GRAMD1B: variants seen among roughly 807,000 people sequenced by gnomAD.
GRAMD1B encodes GRAM domain containing 1B, also known as protein Aster-B.
In GRAMD1B, 37 loss-of-function variants were observed where a neutral mutation model predicts 99.7. The ratio of observed to expected loss-of-function variants is 0.37; its 90% CI spans 0.29 to 0.49. The LOEUF (loss-of-function observed/expected upper bound fraction) is 0.49, where lower values mean the gene tolerates loss of function less well. GRAMD1B is among the 20% of genes least tolerant of loss of function. The pLI, the probability that GRAMD1B is intolerant of heterozygous loss-of-function variation, is 0.98. For synonymous variants in GRAMD1B, 427 were observed against 387.6 expected, an observed-to-expected ratio of 1.10 and a Z score of -1.19; for missense variants, 888 against 1,009.2, an observed-to-expected ratio of 0.88 and a Z score of 1.63.
intron 2 of GRAMD1B, among the ~76,000 whole-genome samples, chr11:123,488,001 A>G (rs1330165543): frequency 1.3e-5 from 2 of 152,196 alleles, no homozygotes; most frequent in African/African-American, 4.8e-5. Context: ...TACATCACAG[A>G]AAATTATTTC....
At chr11:123,364,501 G>T (rs1406037112) in intron 1 of GRAMD1B, among the ~76,000 whole-genome samples, 2 of 152,184 alleles carry the variant, frequency 1.3e-5, no homozygotes, top group Admixed American at 1.3e-4. Context: ...TTAGGCATCC[G>T]TGTGCATTTT....
At chr11:123,452,614 C>A (rs1306813687) in intron 1 of GRAMD1B, among the ~76,000 whole-genome samples, 6 of 152,014 alleles carry the variant, frequency 3.9e-5, no homozygotes, top group African/African-American at 1.4e-4. Flanking sequence ...CCACTGCACT[C>A]CAGCCTGGGT....
intron 2 of GRAMD1B, among the ~76,000 whole-genome samples, chr11:123,526,979 T>A (rs1177384217): frequency 6.6e-6 from 1 of 152,196 alleles, no homozygotes; most frequent in African/African-American, 2.4e-5. Flanking sequence ...CTTGGAAAAC[T>A]TTGCCATACC....
At chr11:123,505,516 A>T (rs1940333981) in intron 2 of GRAMD1B, among the ~76,000 whole-genome samples, 1 of 152,196 alleles carries the variant, frequency 6.6e-6, no homozygotes, top group Admixed American at 6.5e-5. Context: ...CTTAGGTAAT[A>T]TTTATTATGT....
At position 123,493,144 on chromosome 11, in the gene GRAMD1B, G is replaced by C. The variant is rs1938792376; in HGVS notation, c.452+12251G>C. On this transcript the variant is annotated intron_variant, in intron 2 of 19. Coordinates refer to ENST00000635736, the MANE Select transcript of GRAMD1B (RefSeq NM_001387025.1). ...AATGGCTGCGGGGAACTCAGGTTTTGGAGACCAAAATACCTTAGTTTAAAT... is the reference window on the plus strand; with the variant it reads ...AATGGCTGCGGGGAACTCAGGTTTTCGAGACCAAAATACCTTAGTTTAAAT... Among the ~76,000 whole-genome samples the C allele has an allele frequency of 2.0e-5, 3 of 152,210 alleles. 1 individual carries two copies. The highest frequency in any genetic ancestry group is 1.3e-4 in the Admixed American group (2 of 15,282).
intron 7 of GRAMD1B, chr11:123,599,126 T>G: frequency 1.2e-6 from 1 of 827,048 alleles, no homozygotes; most frequent in Non-Finnish European, 2.2e-6. Flanking sequence ...GCTCCTCAAA[T>G]TCCACTGACA....
At chr11:123,394,799 G>C (rs1381235803) in intron 1 of GRAMD1B, among the ~76,000 whole-genome samples, 2 of 152,204 alleles carry the variant, frequency 1.3e-5, no homozygotes, top group Admixed American at 1.3e-4. Context: ...CAAGGTGCCA[G>C]CAGGTTTAGT....
At chr11:123,548,325 T>TATATATATATATATATATATAC (rs1555067740) in intron 2 of GRAMD1B, among the ~76,000 whole-genome samples, 11 of 86,898 alleles carry the variant, frequency 1.3e-4, no homozygotes, top group East Asian at 4.1e-4. Flanking sequence ...TATATATATA[T>TATATATATATATATATATATAC]ACACACACAC....
intron 1 of GRAMD1B, among the ~76,000 whole-genome samples, chr11:123,394,136 A>G (rs1344429521): frequency 6.6e-6 from 1 of 152,226 alleles, no homozygotes; most frequent in African/African-American, 2.4e-5. Context: ...ATGAGATGCT[A>G]TTAGCAATTA....
intron 1 of GRAMD1B, among the ~76,000 whole-genome samples, chr11:123,390,809 C>CT (rs1947251374): frequency 6.6e-6 from 1 of 152,218 alleles, no homozygotes; most frequent in South Asian, 2.1e-4. Context: ...CTCATGTTTG[C>CT]TTTCCATGAC....
chr11:123,400,613 G>A (rs954920927), intron 1 of GRAMD1B, among the ~76,000 whole-genome samples: 1 of 152,156 alleles, frequency 6.6e-6, no homozygotes. Context: ...GTGTCCTCAT[G>A]TGCAGAAGTG....
intron 1 of GRAMD1B, among the ~76,000 whole-genome samples, chr11:123,364,216 G>A (rs1306071434): frequency 6.6e-6 from 1 of 152,200 alleles, no homozygotes; most frequent in Admixed American, 6.5e-5. Context: ...GACTTCAAAG[G>A]GAGCGATGGG....
intron 3 of GRAMD1B, among the ~76,000 whole-genome samples, chr11:123,578,669 A>G (rs964205131): frequency 6.6e-6 from 1 of 152,034 alleles, no homozygotes; most frequent in Admixed American, 6.5e-5. Flanking sequence ...CCCTGCACCC[A>G]TGTCTGCCTG....
intron 1 of GRAMD1B, among the ~76,000 whole-genome samples, chr11:123,444,996 G>A (rs916137301): frequency 3.3e-5 from 5 of 152,086 alleles, no homozygotes; most frequent in Admixed American, 6.6e-5. Context: ...TTATCTATGG[G>A]GCTCATTACA....
At chr11:123,595,895 A>G in intron 6 of GRAMD1B, 47 bp from the exon 7 acceptor site, 1 of 1,056,552 alleles carries the variant, frequency 9.5e-7, no homozygotes, top group East Asian at 2.5e-5. Flanking sequence ...TGACTTACTA[A>G]TGCCCCACTT....
chr11:123,525,182 G>A (rs1942582008), intron 2 of GRAMD1B, among the ~76,000 whole-genome samples: 1 of 152,214 alleles, frequency 6.6e-6, no homozygotes, highest in African/African-American at 2.4e-5. Context: ...ACCAGAAGTT[G>A]CTGCCTCACC....
At chr11:123,586,649 G>A (rs895820460) in intron 4 of GRAMD1B, among the ~76,000 whole-genome samples, 3 of 152,162 alleles carry the variant, frequency 2.0e-5, no homozygotes, top group African/African-American at 7.2e-5. Context: ...GCTCCTCTCC[G>A]CAGCACCCCT....
intron 2 of GRAMD1B, among the ~76,000 whole-genome samples, chr11:123,556,037 A>T (rs1367420038): frequency 6.6e-6 from 1 of 152,186 alleles, no homozygotes; most frequent in Non-Finnish European, 1.5e-5. Flanking sequence ...CCTGGCCTTA[A>T]ATAAATTTTA....
intron 1 of GRAMD1B, among the ~76,000 whole-genome samples, chr11:123,359,990 G>T (rs1488501728): frequency 6.6e-6 from 1 of 152,070 alleles, no homozygotes; most frequent in African/African-American, 2.4e-5. Flanking sequence ...CTCAGCTGGG[G>T]CTCTCTCTTG....
Sources: gnomAD v4.1 joint callset for allele counts (sites outside exome capture counted in the v4.1 genomes callset) on GRCh38, gnomAD v4.1.1 for gene constraint, MANE v1.5 for transcripts, NCBI Gene and HGNC (gene_info 2026-07-23, HGNC 2026-07-21) for gene names.